UNC45A: variants seen among roughly 807,000 people sequenced by gnomAD.
UNC45A encodes protein unc-45 homolog A.
UNC45A carries 78 observed loss-of-function variants against 103.2 expected under a neutral mutation model. The observed-to-expected ratio is 0.76, with a 90% CI of 0.63 to 0.91. The LOEUF (loss-of-function observed/expected upper bound fraction) is 0.91, where lower values mean the gene tolerates loss of function less well. Ranked by LOEUF, UNC45A falls within the 40% of genes least tolerant of loss-of-function variation. The pLI is 0.00. For missense variants in UNC45A, 1,193 were observed against 1,224.8 expected (o/e 0.97, Z 0.39); for synonymous variants, 495 against 504.6 (o/e 0.98, Z 0.25).
rs2036017475 is a variant in UNC45A at position 90,936,319 on chromosome 15, C to G, written c.285C>G (p.Leu95=). 6.2e-7 allele frequency: 1 copy of G among 1,613,980 alleles called. No homozygotes were observed. The highest frequency in any genetic ancestry group is 1.3e-5 in the African/African-American group (1 of 74,928). The change falls in exon 4 of 20, where the codon CTC becomes CTG. Residue 95 remains leucine (L), a synonymous_variant. Transcript: ENST00000418476. ...IEKDGGDVKA[L]YRRSQALEKL... Reference sequence around the variant, plus strand: ...AGGATGGTGGGGATGTCAAAGCACTCTACCGGCGGAGCCAAGCCCTAGAGA... The same window carrying G: ...AGGATGGTGGGGATGTCAAAGCACTGTACCGGCGGAGCCAAGCCCTAGAGA...
In UNC45A at chr15:90,947,894, A is replaced by G. The variant is rs1462110464; in HGVS notation, c.1595+4A>G. 7.4e-6 allele frequency: 12 copies of G among 1,612,430 alleles called. No homozygotes were observed. The highest frequency in any genetic ancestry group is 8.5e-6 in the Non-Finnish European group (10 of 1,179,176). On this transcript the variant is annotated splice_donor_region_variant and intron_variant, in intron 11 of 19. Transcript: ENST00000418476. ...AACTGGCTAAGCAGTGTCGAAAGTG[A>G]GTCATCTGGCCTTGCTGTGGTTCCC...
At chr15:90,931,806 G>C, upstream of UNC45A, 2 of 1,614,160 alleles carry the variant, frequency 1.2e-6, no homozygotes, top group Non-Finnish European at 1.7e-6. Flanking sequence ...TCCACCTGCA[G>C]CCTCTTTCTC....
At chr15:90,950,114 C>A in intron 15 of UNC45A, 40 bp from the exon 16 acceptor site, 1 of 1,542,200 alleles carries the variant, frequency 6.5e-7, no homozygotes, top group South Asian at 1.2e-5. Flanking sequence ...GGGTCTTACT[C>A]CCAGGGATGT....
In UNC45A at chr15:90,953,560, G is replaced by A. The variant is rs572837270; in HGVS notation, c.2679G>A (p.Ser893=). 5.0e-6 allele frequency: 8 copies of A among 1,614,148 alleles called. No homozygotes were observed. The highest frequency in any genetic ancestry group is 1.6e-4 in the Middle Eastern group (1 of 6,062). Residue 893 remains serine (S), a synonymous_variant, in exon 20 of 20, where the codon TCG becomes TCA. Transcript: ENST00000418476. The part of the protein sequence containing the change: ...AVVVLNMVEA[S]REIASTLMES... The stretch of plus-strand genomic sequence containing the variant: ...TGGTGCTGAACATGGTGGAGGCCTC[G>A]AGGGAGATTGCCAGCACCCTGATGG...
At chr15:90,938,744 T>C (rs1429505225) in intron 4 of UNC45A, among the ~76,000 whole-genome samples, 1 of 152,186 alleles carries the variant, frequency 6.6e-6, no homozygotes, top group African/African-American at 2.4e-5. Flanking sequence ...GGATCTCTGC[T>C]GACTGCAACC....
At chr15:90,932,891 A>G (rs920063853), upstream of UNC45A, 14 of 236,672 alleles carry the variant, frequency 5.9e-5, no homozygotes, top group African/African-American at 3.1e-4. Flanking sequence ...TCAGGGGACT[A>G]TGGGAGCGGG....
At position 90,953,448 on chromosome 15, in the gene UNC45A, T is replaced by C. The variant is rs557090634; in HGVS notation, c.2578-11T>C. 70 of 1,612,776 alleles carry C rather than the reference T, an allele frequency of 4.3e-5. No homozygotes were observed. Among genetic ancestry groups the C allele is most frequent in the Non-Finnish European group, 5.6e-5 (66 of 1,179,886 alleles). ...TGCCCAGGGGTCATATCTACCCTGT[T>C]TTTCTCACAGACCACACACTGGCTG... On this transcript the variant is annotated splice_polypyrimidine_tract_variant and intron_variant, in intron 19 of 19. Coordinates refer to ENST00000418476, the MANE Select transcript of UNC45A (RefSeq NM_018671.5).
At chr15:90,952,815 C>T in intron 17 of UNC45A, 114 bp from the exon 18 acceptor site, 2 of 903,824 alleles carry the variant, frequency 2.2e-6, no homozygotes, top group Non-Finnish European at 3.4e-6. Flanking sequence ...TCCCATGACC[C>T]AGTCACCTCC....
chr15:90,937,798 T>A (rs1567149152), intron 4 of UNC45A, among the ~76,000 whole-genome samples: 1 of 151,918 alleles, frequency 6.6e-6, no homozygotes, highest in Non-Finnish European at 1.5e-5. Flanking sequence ...AAATATTTTA[T>A]TTTTTAAATT....
At chr15:90,947,766 A>G in intron 10 of UNC45A, 30 bp from the exon 11 acceptor site, 2 of 1,577,204 alleles carry the variant, frequency 1.3e-6, no homozygotes, top group Non-Finnish European at 1.7e-6. Context: ...CCTTCCCCAG[A>G]GGCCAACTGG....
At chr15:90,945,465 G>T (rs533582586) in intron 9 of UNC45A, among the ~76,000 whole-genome samples, 2 of 151,392 alleles carry the variant, frequency 1.3e-5, no homozygotes, top group Non-Finnish European at 2.9e-5. Context: ...GGGTTCAAGC[G>T]ATTCTCCTGC....
At chr15:90,931,283 T>G (rs1438400408), upstream of UNC45A, 1 of 1,550,818 alleles carries the variant, frequency 6.4e-7, no homozygotes, top group East Asian at 2.4e-5. Context: ...GATCAGATTG[T>G]CAGCCCCCGC....
intron 8 of UNC45A, among the ~76,000 whole-genome samples, chr15:90,944,657 C>T (rs924716903): frequency 2.0e-5 from 3 of 152,144 alleles, no homozygotes; most frequent in Admixed American, 2.0e-4. Flanking sequence ...GAGCGTTTGG[C>T]CCCAGGGGCA....
At chr15:90,932,602 C>T (rs1464211939), upstream of UNC45A, 2 of 1,078,564 alleles carry the variant, frequency 1.9e-6, no homozygotes, top group Non-Finnish European at 2.4e-6. Flanking sequence ...ACAGCGCCCC[C>T]TGGCGCCGGG....
upstream of UNC45A, chr15:90,931,637 A>AC: frequency 6.2e-7 from 1 of 1,614,074 alleles, no homozygotes; most frequent in Non-Finnish European, 8.5e-7. Context: ...AGGGGAACTG[A>AC]CCAACATGTG....
rs763826067 is a variant in UNC45A, at chr15:90,950,251, C to A, written c.2171C>A (p.Thr724Asn). Residue 724 changes from threonine (T) to asparagine (N), a missense_variant, in exon 16 of 20, where the codon ACC becomes AAC. Thr to Asn is a moderately conservative substitution (Grantham distance 65). Coordinates refer to ENST00000418476, the MANE Select transcript of UNC45A (RefSeq NM_018671.5). ...KLTITSNPEM[T>N]FPGERIYEVV... ...ACCATCACCTCCAACCCGGAGATGA[C>A]CTTCCCTGGCGAGCGGGTACGTGTC... 8.4e-6 allele frequency: 13 copies of A among 1,551,738 alleles called. No homozygotes were observed. The highest frequency in any genetic ancestry group is 2.0e-5 in the Admixed American group (1 of 51,014).
intron 10 of UNC45A, 142 bp downstream of exon 10, chr15:90,947,056 G>A (rs980496953): frequency 1.0e-6 from 1 of 956,086 alleles, no homozygotes; most frequent in African/African-American, 1.6e-5. Context: ...AGGCTTGGTG[G>A]TGCATGCCTA....
chr15:90,932,461 GGGTC>G, upstream of UNC45A: 2 of 1,332,580 alleles, frequency 1.5e-6, no homozygotes, highest in Non-Finnish European at 9.6e-7. Context: ...GGTCCCCTCG[GGGTC>G]CTTCCGCCGC....
rs905038711 is a variant in UNC45A, at chr15:90,940,186, C to T, written c.520-120C>T. 1.7e-4 allele frequency: 187 copies of T among 1,121,784 alleles called. 2 individuals carry two copies. The highest frequency in any genetic ancestry group is 6.1e-4 in the Middle Eastern group (2 of 3,274). The allele number at this position is 1,121,784 out of a possible 1,614,324, so 69.5% of individuals were successfully genotyped here. On this transcript the variant is annotated intron_variant, in intron 5 of 19. Transcript: ENST00000418476. ...AACTTCAAAGAGGTTATTTTTTGGC[C>T]GTGGTCACTCAACTGTGAAGTGGAA...
Sources: gnomAD v4.1 joint callset for allele counts (sites outside exome capture counted in the v4.1 genomes callset) on GRCh38, gnomAD v4.1.1 for gene constraint, MANE v1.5 for transcripts, NCBI Gene and HGNC (gene_info 2026-07-23, HGNC 2026-07-21) for gene names.